GAS5: variants seen among roughly 807,000 people sequenced by gnomAD.
GAS5 encodes growth arrest specific 5.
chr1:173,865,920 T>C (rs781023035), intron 4 of GAS5: 1 of 519,178 alleles, frequency 1.9e-6, no homozygotes, highest in Non-Finnish European at 3.8e-6. Context: ...GGTCTTAGAA[T>C]AGCCACAGAT....
upstream of GAS5, chr1:173,867,502 G>C (rs1261628606): frequency 2.7e-6 from 1 of 371,638 alleles, no homozygotes. Flanking sequence ...ACAGAACGAG[G>C]CTCGGTCTCA....
chr1:173,865,439 T>C (rs776730014), intron 6 of GAS5: 3 of 514,116 alleles, frequency 5.8e-6, no homozygotes, highest in East Asian at 5.5e-5. Flanking sequence ...AGTAGCTCAA[T>C]CAATTAACGT....
At chr1:173,867,758 G>A, upstream of GAS5, 1 of 519,134 alleles carries the variant, frequency 1.9e-6, no homozygotes, top group Non-Finnish European at 3.8e-6. Flanking sequence ...CACGAGAGCC[G>A]AGGCTTCTCC....
chr1:173,867,949 A>G (rs1222181320), upstream of GAS5: 2 of 360,326 alleles, frequency 5.6e-6, no homozygotes, highest in Admixed American at 3.5e-5. Context: ...ATTCGCAAAG[A>G]TAAAACATAC....
At chr1:173,868,004 GGGCTCCTGTATATAAGA>G, upstream of GAS5, 1 of 316,564 alleles carries the variant, frequency 3.2e-6, no homozygotes, top group Non-Finnish European at 6.4e-6. Context: ...TATGGTGCCT[GGGCTCCTGTATATAAGA>G]GTTCTTTTGA....
chr1:173,866,930 T>A (rs1180322187), intron 1 of GAS5: 2 of 765,498 alleles, frequency 2.6e-6, no homozygotes, highest in South Asian at 2.7e-5. Context: ...TCTTAAAGCA[T>A]CACAGGCTGA....
At chr1:173,868,994 G>C (rs1655286147), upstream of GAS5, 1 of 152,612 alleles carries the variant, frequency 6.6e-6, no homozygotes, top group Non-Finnish European at 1.5e-5. Context: ...GGGAATTGCC[G>C]GAAAGAGCAA....
At chr1:173,867,430 T>C (rs1028744193), upstream of GAS5, 1 of 361,608 alleles carries the variant, frequency 2.8e-6, no homozygotes, top group Non-Finnish European at 5.4e-6. Flanking sequence ...GCAGAACTGC[T>C]TAACTCGGGA....
At chr1:173,867,589 C>CGACA (rs1222733263), upstream of GAS5, 1 of 513,506 alleles carries the variant, frequency 1.9e-6, no homozygotes, top group East Asian at 5.5e-5. Context: ...GGACTACCAC[C>CGACA]GACAGCCTTT....
At chr1:173,867,332 C>A, upstream of GAS5, 1 of 414,066 alleles carries the variant, frequency 2.4e-6, no homozygotes, top group Non-Finnish European at 4.4e-6. Flanking sequence ...CCAGTCTCGC[C>A]AACATGGTGA....
chr1:173,867,602 T>C (rs552367286), upstream of GAS5: 5 of 516,118 alleles, frequency 9.7e-6, no homozygotes, highest in East Asian at 5.5e-5. Context: ...CAGCCTTTCA[T>C]GAGAGCGGAC....
upstream of GAS5, chr1:173,867,505 C>A (rs1380933847): frequency 2.7e-6 from 1 of 371,918 alleles, no homozygotes. Flanking sequence ...GAACGAGGCT[C>A]GGTCTCAAAA....
At chr1:173,867,635 G>A (rs750901176), upstream of GAS5, 1 of 518,562 alleles carries the variant, frequency 1.9e-6, no homozygotes, top group African/African-American at 1.9e-5. Flanking sequence ...CTCGGGTCAC[G>A]GCCCTTAACA....
At chr1:173,864,793 C>A (rs748598966) in intron 6 of GAS5, 1 of 518,434 alleles carries the variant, frequency 1.9e-6, no homozygotes, top group Admixed American at 1.9e-5. Context: ...TGGCTATATT[C>A]CCCTTTTCGG....
At chr1:173,864,149 AAT>A (rs747773630) in intron 7 of GAS5, 5 of 517,552 alleles carry the variant, frequency 9.7e-6, no homozygotes, top group South Asian at 7.0e-5. Context: ...GGGAATGCAG[AAT>A]ATCAGATATT....
intron 5 of GAS5, chr1:173,865,677 A>G (rs1235749071): frequency 1.9e-6 from 1 of 519,238 alleles, no homozygotes. Flanking sequence ...TTTGATCAAC[A>G]TCATTACACA....
chr1:173,865,503 T>G, exon 6 of GAS5: 1 of 509,186 alleles, frequency 2.0e-6, no homozygotes, highest in Non-Finnish European at 3.9e-6. Context: ...TGTCTTCATG[T>G]CCTTACCCAA....
At chr1:173,867,647 T>G (rs778531202), upstream of GAS5, 1 of 518,828 alleles carries the variant, frequency 1.9e-6, no homozygotes, top group South Asian at 1.4e-5. Context: ...CCCTTAACAA[T>G]AGCTTACTCG....
exon 1 of GAS5, chr1:173,867,032 CCAGCA>C (rs1572028593): frequency 2.6e-6 from 2 of 757,608 alleles, no homozygotes; most frequent in East Asian, 4.9e-5. Context: ...GCATCTGCAC[CCAGCA>C]CCATACCTAA....
Sources: allele counts gnomAD v4.1 joint callset, GRCh38; gene constraint gnomAD v4.1.1; transcripts MANE v1.5; gene names NCBI Gene and HGNC (gene_info 2026-07-23, HGNC 2026-07-21).